Variants in BBS9 observed in about 807,000 individuals in gnomAD.
BBS9 encodes protein PTHB1.
BBS9 carries 89 observed loss-of-function variants against 117.7 expected under a neutral mutation model. The observed-to-expected ratio is 0.76, with a 90% CI of 0.64 to 0.90. The LOEUF (loss-of-function observed/expected upper bound fraction) is 0.90, where lower values mean the gene tolerates loss of function less well. Among genes scored for constraint, BBS9 ranks in the 40% least tolerant of loss-of-function variants. The pLI is 0.00. For synonymous variants in BBS9, 379 were observed against 370.9 expected, an observed-to-expected ratio of 1.02 and a Z score of -0.25; for missense variants, 982 against 1,042.2, an observed-to-expected ratio of 0.94 and a Z score of 0.80.
intron 19 of BBS9, among the ~76,000 whole-genome samples, chr7:33,398,349 C>A (rs779178939): frequency 2.0e-5 from 3 of 151,902 alleles, no homozygotes; most frequent in Non-Finnish European, 4.4e-5. Context: ...TTGAATTATT[C>A]CATATATGAG....
chr7:33,533,577 T>C (rs1476026702), intron 20 of BBS9: 1 of 238,176 alleles, frequency 4.2e-6, no homozygotes, highest in African/African-American at 2.2e-5. Context: ...CAAAACAAAC[T>C]ATAATCCTAG....
rs530038362 is a variant in BBS9, at chr7:33,231,384, G to T, written c.443-25852G>T. On this transcript the variant is annotated intron_variant, in intron 5 of 22. Transcript: ENST00000242067. ...GCTGTTGGTAGACTGTATTAATTTG[G>T]GTTTATTTCTTAGCTCTTTATTCTG... is the stretch of plus-strand genomic sequence containing the variant. Among the ~76,000 whole-genome samples the T allele has an allele frequency of 7.1e-5, 10 of 141,554 alleles. 1 individual carries two copies. The South Asian group carries it at 2.3e-3, about 33-fold the overall frequency. 92.9% of individuals were successfully genotyped at this position (141,554 alleles called of 152,430 possible). A position where few individuals can be genotyped will look rare whatever the true frequency, so the allele number is the denominator to read the frequency against.
intron 21 of BBS9, among the ~76,000 whole-genome samples, chr7:33,537,249 ACTT>A (rs1335571008): frequency 1.3e-5 from 2 of 152,238 alleles, no homozygotes; most frequent in Non-Finnish European, 1.5e-5. Context: ...TAGCCTCATG[ACTT>A]TATGAGCCCA....
rs1563370400 is a variant in BBS9 at position 33,565,843 on chromosome 7, C to CCA, written c.2521+31667_2521+31668insCA. Among the ~76,000 whole-genome samples the CCA allele has an allele frequency of 2.5e-3, 84 of 34,010 alleles. 5 individuals carry two copies. Among genetic ancestry groups the CCA allele is most frequent in the African/African-American group, 7.5e-3 (80 of 10,688 alleles). The allele number at this position is 34,010 out of a possible 152,430, so 22.3% of individuals were successfully genotyped here. A position where few individuals can be genotyped will look rare whatever the true frequency, so the allele number is the denominator to read the frequency against. ...TATATATATACCGCTATATATACTG[C>CCA]TTATATATATATATATATATATATA... is the stretch of plus-strand genomic sequence containing the variant. On this transcript the variant is annotated intron_variant, in intron 21 of 22. Coordinates refer to ENST00000242067, the MANE Select transcript of BBS9 (RefSeq NM_198428.3).
chr7:33,595,779 C>T (rs562201995), intron 21 of BBS9, among the ~76,000 whole-genome samples: 13 of 152,052 alleles, frequency 8.5e-5, no homozygotes, highest in Non-Finnish European at 1.9e-4. Flanking sequence ...ACCCAAAACC[C>T]ATCAGTGATA....
intron 8 of BBS9, among the ~76,000 whole-genome samples, chr7:33,273,471 C>T (rs970183235): frequency 2.0e-5 from 3 of 152,126 alleles, no homozygotes; most frequent in Non-Finnish European, 4.4e-5. Context: ...AAGATGCTTT[C>T]AAGAGAACAT....
At chr7:33,538,114 T>G (rs115951978) in intron 21 of BBS9, among the ~76,000 whole-genome samples, 1,977 of 152,286 alleles carry the variant, frequency 0.013, 46 homozygotes, top group African/African-American at 0.045. Flanking sequence ...CAAGTGAACA[T>G]TCTCTTAATG....
chr7:33,263,566 T>C (rs1048064042), intron 6 of BBS9, among the ~76,000 whole-genome samples: 13 of 152,144 alleles, frequency 8.5e-5, no homozygotes, highest in African/African-American at 2.9e-4. Flanking sequence ...TAAATGCCAC[T>C]ATTGAAATAG....
intron 19 of BBS9, among the ~76,000 whole-genome samples, chr7:33,492,048 A>G (rs953636881): frequency 2.6e-5 from 4 of 151,818 alleles, no homozygotes; most frequent in Non-Finnish European, 5.9e-5. Flanking sequence ...AAAAATACAA[A>G]AAAAATTAGC....
intron 19 of BBS9, among the ~76,000 whole-genome samples, chr7:33,392,958 G>C (rs906259308): frequency 3.3e-5 from 5 of 152,106 alleles, no homozygotes; most frequent in African/African-American, 1.2e-4. Context: ...TTGAGCCCAG[G>C]AGTTTGAGAT....
chr7:33,332,126 T>C (rs1563011729), intron 9 of BBS9, among the ~76,000 whole-genome samples: 1 of 150,702 alleles, frequency 6.6e-6, no homozygotes, highest in East Asian at 2.0e-4. Context: ...TGGAACAGGA[T>C]AGAGAACCCA....
At chr7:33,268,312 A>C (rs187692695) in intron 7 of BBS9, among the ~76,000 whole-genome samples, 62 of 152,264 alleles carry the variant, frequency 4.1e-4, no homozygotes, top group Admixed American at 3.4e-3. Flanking sequence ...TGCAGCATTT[A>C]TATGTAGCTA....
downstream of BBS9, among the ~76,000 whole-genome samples, chr7:33,610,761 C>T (rs905207219): frequency 6.6e-6 from 1 of 152,070 alleles, no homozygotes; most frequent in East Asian, 1.9e-4. Context: ...GTGTGAGCCT[C>T]GACCTAGCTT....
intron 21 of BBS9, among the ~76,000 whole-genome samples, chr7:33,536,390 T>C (rs1329243449): frequency 1.3e-5 from 2 of 152,228 alleles, no homozygotes; most frequent in Non-Finnish European, 2.9e-5. Flanking sequence ...AATTATTGCC[T>C]ATACTACTTT....
chr7:33,291,585 T>C (rs1804055613), intron 9 of BBS9, among the ~76,000 whole-genome samples: 1 of 152,192 alleles, frequency 6.6e-6, no homozygotes, highest in African/African-American at 2.4e-5. Flanking sequence ...ACGTTTAGAA[T>C]ATTAAAATGG....
chr7:33,156,158 A>ATTCTCTGACAT (rs1353100612), intron 4 of BBS9, among the ~76,000 whole-genome samples: 1 of 152,182 alleles, frequency 6.6e-6, no homozygotes, highest in Non-Finnish European at 1.5e-5. Context: ...TCACTCAGTC[A>ATTCTCTGACAT]GGCTTCATCA....
intron 4 of BBS9, among the ~76,000 whole-genome samples, chr7:33,168,104 C>T (rs534817353): frequency 5.3e-5 from 8 of 152,232 alleles, no homozygotes; most frequent in South Asian, 2.1e-4. Flanking sequence ...CAGTGCTTCC[C>T]GTGTAATTTA....
rs747251300 is a variant in BBS9, at chr7:33,273,195, G to A, written c.886G>A (p.Val296Ile). 2 of 1,613,508 alleles carry A rather than the reference G, an allele frequency of 1.2e-6. No individual in the cohort carries two copies. Among genetic ancestry groups the A allele is most frequent in the South Asian group, 1.1e-5 (1 of 91,060 alleles). Reference protein sequence around the residue: ...SPSCFLPYCSVSEGTINTLIG... With the variant: ...SPSCFLPYCSISEGTINTLIG... ...AAGTTGTTTTCTGCCATATTGCTCA[G>A]GTGTGTAGAAAGATTTTCTTTTATC... Residue 296 changes from valine to isoleucine, a missense_variant and splice_region_variant, in exon 8 of 23, where the codon GTT becomes ATT. Coordinates refer to ENST00000242067, the MANE Select transcript of BBS9 (RefSeq NM_198428.3).
At chr7:33,284,646 T>G (rs1317178630) in intron 9 of BBS9, among the ~76,000 whole-genome samples, 1 of 152,220 alleles carries the variant, frequency 6.6e-6, no homozygotes, top group Non-Finnish European at 1.5e-5. Context: ...TAATCTGTCC[T>G]TCAGGAAAAC....
Sources: gnomAD v4.1 joint callset for allele counts (sites outside exome capture counted in the v4.1 genomes callset) on GRCh38, gnomAD v4.1.1 for gene constraint, MANE v1.5 for transcripts, NCBI Gene and HGNC (gene_info 2026-07-23, HGNC 2026-07-21) for gene names.